The following DPEP1 variants were observed in gnomAD, a reference collection of about 807,000 sequenced individuals.
The protein encoded by DPEP1 is dipeptidase 1, also known as beta-lactamase.
DPEP1 carries 50 observed loss-of-function variants against 42.3 expected under a neutral mutation model. The ratio of observed to expected loss-of-function variants is 1.18; its 90% confidence interval spans 0.94 to 1.50. DPEP1 has a LOEUF of 1.50. Ranked by LOEUF, DPEP1 falls within the 40% of genes most tolerant of loss-of-function variation. DPEP1 has a pLI of 0.00. For synonymous variants in DPEP1, 297 were observed against 234.0 expected, an observed-to-expected ratio of 1.27 and a Z score of -2.46; for missense variants, 663 against 553.0, an observed-to-expected ratio of 1.20 and a Z score of -1.99.
intron 1 of DPEP1, among the ~76,000 whole-genome samples, chr16:89,621,784 C>G (rs550906558): frequency 6.6e-6 from 1 of 152,318 alleles, no homozygotes; most frequent in South Asian, 2.1e-4. Context: ...GGAAAGTCTG[C>G]ACATGTCTGT....
At chr16:89,623,150 T>A (rs1221909793) in intron 1 of DPEP1, among the ~76,000 whole-genome samples, 1 of 151,778 alleles carries the variant, frequency 6.6e-6, no homozygotes, top group Non-Finnish European at 1.5e-5. Context: ...TAGCTATTTT[T>A]AAAAATGCTG....
Position 89,636,320 on chromosome 16 carries a change from G to A in DPEP1, c.294G>A (p.Thr98=), listed in dbSNP as rs200540665. 181 of 1,612,464 alleles carry A rather than the reference G, an allele frequency of 1.1e-4. No individual in the cohort carries two copies. The highest frequency in any genetic ancestry group is 9.8e-4 in the Admixed American group (59 of 59,976). ...DTQNKDAVRR[T]LEQMDVVHRM... is the part of the protein sequence containing the mutation. ...AGAACAAAGACGCCGTGCGGAGGACGCTGGAGCAGATGGACGTGGTCCACC... is the reference window on the plus strand; with the variant it reads ...AGAACAAAGACGCCGTGCGGAGGACACTGGAGCAGATGGACGTGGTCCACC... The change falls in exon 4 of 11, where the codon ACG becomes ACA. Residue 98 remains threonine (T), a synonymous_variant. Coordinates refer to ENST00000690203, the MANE Select transcript of DPEP1 (RefSeq NM_001389466.1).
chr16:89,641,194 G>T (rs993831077), downstream of DPEP1, among the ~76,000 whole-genome samples: 1 of 149,040 alleles, frequency 6.7e-6, no homozygotes, highest in African/African-American at 2.5e-5. Flanking sequence ...GCATCACAGG[G>T]AGACGGTTAG....
At chr16:89,635,800 G>C (rs751772678) in intron 2 of DPEP1, 108 bp from the exon 3 acceptor site, 86 of 1,413,952 alleles carry the variant, frequency 6.1e-5, no homozygotes, top group Non-Finnish European at 7.8e-5. Flanking sequence ...TCCTGCGTCT[G>C]TCGTGAGGAG....
At chr16:89,629,311 G>C (rs2059554835) in intron 1 of DPEP1, among the ~76,000 whole-genome samples, 1 of 152,092 alleles carries the variant, frequency 6.6e-6, no homozygotes, top group South Asian at 2.1e-4. Context: ...GACCAGCCTG[G>C]GAAACATGGG....
chr16:89,640,763 G>T (rs1182284749), downstream of DPEP1, among the ~76,000 whole-genome samples: 3 of 152,140 alleles, frequency 2.0e-5, no homozygotes, highest in Admixed American at 6.6e-5. Flanking sequence ...AGGGTCTGTA[G>T]GTTTTTCTCC....
chr16:89,618,070 G>T (rs938012399), intron 1 of DPEP1, among the ~76,000 whole-genome samples: 2 of 152,014 alleles, frequency 1.3e-5, no homozygotes, highest in Non-Finnish European at 2.9e-5. Context: ...TCTAAGTCAA[G>T]AAAAATTAAA....
At chr16:89,622,080 G>GT (rs1286142809) in intron 1 of DPEP1, among the ~76,000 whole-genome samples, 1 of 152,188 alleles carries the variant, frequency 6.6e-6, no homozygotes, top group Admixed American at 6.5e-5. Flanking sequence ...TGAGGAGAGC[G>GT]TGTGGGGTGG....
At chr16:89,626,110 G>C (rs757329666) in intron 1 of DPEP1, among the ~76,000 whole-genome samples, 25 of 152,168 alleles carry the variant, frequency 1.6e-4, no homozygotes, top group Non-Finnish European at 2.8e-4. Context: ...GAGAGGCCCT[G>C]AGATTCTTGC....
chr16:89,615,148 AG>A (rs2059369258), intron 1 of DPEP1, among the ~76,000 whole-genome samples: 1 of 152,176 alleles, frequency 6.6e-6, no homozygotes, highest in Non-Finnish European at 1.5e-5. Context: ...TGTCGACAAA[AG>A]GTCAGCTTTG....
At chr16:89,637,772 A>G in intron 9 of DPEP1, 64 bp from the exon 10 acceptor site, 1 of 1,612,664 alleles carries the variant, frequency 6.2e-7, no homozygotes, top group East Asian at 2.2e-5. Flanking sequence ...CAGAGGGATG[A>G]GGTGGCTGGA....
Position 89,636,670 on chromosome 16 carries a change from T to G in DPEP1, c.508T>G (p.Cys170Gly), listed in dbSNP as rs772211020. 2 of 1,612,376 alleles carry G rather than the reference T, an allele frequency of 1.2e-6. No individual in the cohort carries two copies. The highest frequency in any genetic ancestry group is 8.5e-7 in the Non-Finnish European group (1 of 1,179,898). ...GCGGTACCTGACCCTCACCCACAGCTGCAACACGCCCTGGTGCGTGACTCC... is the reference window on the plus strand; with the variant it reads ...GCGGTACCTGACCCTCACCCACAGCGGCAACACGCCCTGGTGCGTGACTCC... ...GMRYLTLTHS[C>G]NTPWADNWLV... is the part of the protein sequence containing the mutation. Residue 170 changes from cysteine to glycine, a missense_variant, in exon 5 of 11, where the codon TGC becomes GGC. Coordinates refer to ENST00000690203, the MANE Select transcript of DPEP1 (RefSeq NM_001389466.1).
intron 1 of DPEP1, among the ~76,000 whole-genome samples, chr16:89,615,517 A>AG (rs2059372480): frequency 6.6e-6 from 1 of 152,188 alleles, no homozygotes; most frequent in Admixed American, 6.5e-5. Flanking sequence ...CCTTGCTCTC[A>AG]GGGGTGAGGG....
chr16:89,637,232 G>A lies in DPEP1; in HGVS notation c.620G>A (p.Gly207Glu). 1 of 1,612,698 alleles carries A rather than the reference G, an allele frequency of 6.2e-7. No individual in the cohort carries two copies. Among genetic ancestry groups the A allele is most frequent in the Non-Finnish European group, 8.5e-7 (1 of 1,179,932 alleles). Residue 207 changes from glycine (G) to glutamate (E), a missense_variant, in exon 7 of 11, where the codon GGG becomes GAG. By Grantham distance (98) the Gly-to-Glu change is moderately conservative. Transcript: ENST00000690203. ...QRVVKELNRL[G>E]VLIDLAHVSV... ...GTGGTGAAGGAGCTGAACCGTCTGG[G>A]GGTCCTCATCGACTTGGCTCACGTG...
At chr16:89,630,586 G>A (rs2059571876) in intron 2 of DPEP1, 72 bp downstream of exon 2, 4 of 252,632 alleles carry the variant, frequency 1.6e-5, no homozygotes, top group Admixed American at 5.1e-5. Flanking sequence ...CGGGGCTGGG[G>A]GAGCCGGGGC....
At chr16:89,633,106 C>T (rs2059610794) in intron 2 of DPEP1, among the ~76,000 whole-genome samples, 1 of 152,156 alleles carries the variant, frequency 6.6e-6, no homozygotes, top group Non-Finnish European at 1.5e-5. Flanking sequence ...CTCCTGGGAG[C>T]CCTGCCCAGC....
intron 1 of DPEP1, among the ~76,000 whole-genome samples, chr16:89,622,044 G>A (rs921304609): frequency 3.9e-5 from 6 of 152,160 alleles, no homozygotes; most frequent in East Asian, 3.9e-4. Flanking sequence ...CCTGCGTCTC[G>A]ACAGAGCCGA....
chr16:89,636,636 G>C lies in DPEP1; in HGVS notation c.474G>C (p.Gln158His). 1 of 1,612,558 alleles carries C rather than the reference G, an allele frequency of 6.2e-7. No homozygotes were observed. Among genetic ancestry groups the C allele is most frequent in the Non-Finnish European group, 8.5e-7 (1 of 1,179,966 alleles). Residue 158 changes from glutamine to histidine, a missense_variant, in exon 5 of 11, where the codon CAG becomes CAC. By Grantham distance (24) the Gln-to-His change is conservative (BLOSUM62 0). Transcript: ENST00000690203. ...SSLGVLRALYQLGMRYLTLTH... is the reference protein window; with the variant it reads ...SSLGVLRALYHLGMRYLTLTH... ...TGGGCGTCCTGCGGGCACTCTATCA[G>C]CTGGGCATGCGGTACCTGACCCTCA...
chr16:89,616,926 G>A (rs1159548508), intron 1 of DPEP1: 5 of 240,792 alleles, frequency 2.1e-5, no homozygotes, highest in Non-Finnish European at 3.4e-5. Context: ...TAGGAAGCGG[G>A]CAGGTTTTAC....
Sources: gnomAD v4.1 joint callset for allele counts (sites outside exome capture counted in the v4.1 genomes callset) on GRCh38, gnomAD v4.1.1 for gene constraint, MANE v1.5 for transcripts, NCBI Gene and HGNC (gene_info 2026-07-23, HGNC 2026-07-21) for gene names.